PEX13: variants seen among roughly 807,000 people sequenced by gnomAD.
PEX13 encodes peroxisomal biogenesis factor 13.
PEX13 carries 28 observed loss-of-function variants against 34.5 expected under a neutral mutation model. The observed-to-expected ratio is 0.81, with a 90% CI of 0.60 to 1.11. The LOEUF is 1.11. Among genes scored for constraint, PEX13 ranks in the 50% most tolerant of loss-of-function variants. The pLI is 0.00. For synonymous variants in PEX13, 177 were observed against 175.1 expected (o/e 1.01, Z -0.09); for missense variants, 550 against 491.0 (o/e 1.12, Z -1.13).
intron 1 of PEX13, chr2:61,019,113 C>T (rs1438305456): frequency 3.9e-5 from 6 of 152,160 alleles, no homozygotes; most frequent in Non-Finnish European, 5.9e-5. Flanking sequence ...TTTGGTGTTT[C>T]GCATACCCAG....
chr2:61,031,757 G>C lies in PEX13; in HGVS notation c.431G>C (p.Ser144Thr), dbSNP rs762747711. 13 of 1,613,964 alleles carry C rather than the reference G, an allele frequency of 8.1e-6. 1 individual carries two copies. Among genetic ancestry groups the C allele is most frequent in the Non-Finnish European group, 1.1e-5 (13 of 1,179,810 alleles). Residue 144 changes from serine (S) to threonine (T), a missense_variant, in exon 2 of 4, where the codon AGT (serine) becomes ACT (threonine). Transcript: ENST00000295030. Reference sequence around the variant, plus strand: ...ATTGTGCATGCATTTGCCTCTGTCAGTATGATGATGGATGCTACCTTTTCA... The same window carrying C: ...ATTGTGCATGCATTTGCCTCTGTCACTATGATGATGGATGCTACCTTTTCA... ...ESIVHAFASV[S>T]MMMDATFSAV...
Position 61,045,818 on chromosome 2 carries a change from CG to C in PEX13, c.883del (p.Ala295LeufsTer5). 6.2e-7 allele frequency: 1 copy of C among 1,612,804 alleles called. No homozygotes were observed. Among genetic ancestry groups the C allele is most frequent in the Non-Finnish European group, 8.5e-7 (1 of 1,178,960 alleles). ...AAVSEEEISF[R>X]AGDMLNLALK... ...CGTATCTGAAGAAGAAATTTCTTTC[CG>C]GGCTGGTGATATGCTGAACTTAGCT... On this transcript the variant is annotated frameshift_variant, in exon 3 of 4. Transcript: ENST00000295030. LOFTEE classifies it high-confidence loss of function.
chr2:61,044,122 T>G (rs147016865), intron 2 of PEX13, among the ~76,000 whole-genome samples: 44 of 152,142 alleles, frequency 2.9e-4, no homozygotes, highest in Non-Finnish European at 5.4e-4. Context: ...GCCAATTTAT[T>G]TATTTATTGT....
chr2:61,045,316 T>C (rs760316811), intron 2 of PEX13, among the ~76,000 whole-genome samples: 1 of 152,206 alleles, frequency 6.6e-6, no homozygotes, highest in Non-Finnish European at 1.5e-5. Context: ...AACTTCCAAA[T>C]AGACCTGTAT....
intron 2 of PEX13, 118 bp downstream of exon 2, chr2:61,032,231 G>T: frequency 1.3e-6 from 1 of 782,102 alleles, no homozygotes; most frequent in South Asian, 1.7e-5. Context: ...TATATTTTCA[G>T]TTAAGAGCTT....
At chr2:61,037,845 C>A (rs1044342858) in intron 2 of PEX13, among the ~76,000 whole-genome samples, 2 of 151,928 alleles carry the variant, frequency 1.3e-5, no homozygotes, top group Non-Finnish European at 2.9e-5. Flanking sequence ...AAAAGATCAA[C>A]AAAATAGACT....
At chr2:61,030,367 CAAA>C (rs1298735959) in intron 1 of PEX13, among the ~76,000 whole-genome samples, 1 of 152,068 alleles carries the variant, frequency 6.6e-6, no homozygotes, top group East Asian at 1.9e-4. Flanking sequence ...AACTGAGAGA[CAAA>C]AAAGCAACAC....
Position 61,045,782 on chromosome 2 carries a change from G to T in PEX13, c.844G>T (p.Asp282Tyr). ...DDHVVARAEY[D>Y]FAAVSEEEIS... ...CCATGTAGTTGCCAGAGCAGAATATGATTTTGCTGCCGTATCTGAAGAAGA... is the reference window on the plus strand; with the variant it reads ...CCATGTAGTTGCCAGAGCAGAATATTATTTTGCTGCCGTATCTGAAGAAGA... Residue 282 changes from aspartate (D) to tyrosine (Y), a missense_variant, in exon 3 of 4, where the codon GAT (aspartate) becomes TAT (tyrosine). Asp to Tyr is a radical substitution (Grantham distance 160). Transcript: ENST00000295030. 1.2e-6 allele frequency: 2 copies of T among 1,611,456 alleles called. No individual in the cohort carries two copies. The highest frequency in any genetic ancestry group is 1.7e-6 in the Non-Finnish European group (2 of 1,177,546).
chr2:61,018,960 C>T (rs966964196), intron 1 of PEX13: 2 of 152,164 alleles, frequency 1.3e-5, no homozygotes, highest in Non-Finnish European at 2.9e-5. Context: ...AACACAGAGA[C>T]CAGTAGAGAG....
At chr2:61,038,660 G>A (rs1680573430) in intron 2 of PEX13, among the ~76,000 whole-genome samples, 1 of 152,112 alleles carries the variant, frequency 6.6e-6, no homozygotes, top group Admixed American at 6.5e-5. Flanking sequence ...TACTGAATGG[G>A]CAAAAACTGG....
At chr2:61,037,880 A>G (rs1680561413) in intron 2 of PEX13, among the ~76,000 whole-genome samples, 2 of 152,176 alleles carry the variant, frequency 1.3e-5, no homozygotes, top group Non-Finnish European at 2.9e-5. Context: ...TAAAGAAAAG[A>G]GAGAAGAATC....
chr2:61,033,256 G>C (rs931913910), intron 2 of PEX13, among the ~76,000 whole-genome samples: 1 of 152,082 alleles, frequency 6.6e-6, no homozygotes, highest in African/African-American at 2.4e-5. Context: ...CATCAGTAAT[G>C]ATACTTTTGC....
At position 61,031,652 on chromosome 2, in the gene PEX13, G is replaced by C. The variant is rs372193938; in HGVS notation, c.326G>C (p.Arg109Pro). Residue 109 changes from arginine (R) to proline (P), a missense_variant, in exon 2 of 4, where the codon CGT becomes CCT. Transcript: ENST00000295030. The part of the protein sequence containing the change: ...GYNGLGYNRL[R>P]VDDLPPSRFV... ...AATGGGCTGGGCTACAACCGCCTCC[G>C]TGTAGATGATCTTCCACCCAGTAGA... The C allele has an allele frequency of 8.7e-6, 14 of 1,614,110 alleles. No individual in the cohort carries two copies. In the East Asian group the frequency reaches 2.9e-4, roughly 33 times the overall value.
intron 2 of PEX13, among the ~76,000 whole-genome samples, chr2:61,035,130 G>A (rs1680514840): frequency 6.6e-6 from 1 of 152,168 alleles, no homozygotes; most frequent in Non-Finnish European, 1.5e-5. Context: ...GGAAGGATCA[G>A]GCAGCAATAT....
chr2:61,020,781 G>A (rs1680243061), intron 1 of PEX13, among the ~76,000 whole-genome samples: 1 of 151,856 alleles, frequency 6.6e-6, no homozygotes, highest in African/African-American at 2.4e-5. Flanking sequence ...CAGTCTCCCG[G>A]ACAGTTGAGA....
intron 1 of PEX13, among the ~76,000 whole-genome samples, chr2:61,021,936 G>C (rs897901211): frequency 6.6e-6 from 1 of 152,220 alleles, no homozygotes; most frequent in African/African-American, 2.4e-5. Flanking sequence ...GCTGAGGGAC[G>C]TGACCATTAG....
chr2:61,024,483 A>AT (rs1298917574), intron 1 of PEX13, among the ~76,000 whole-genome samples: 1 of 151,992 alleles, frequency 6.6e-6, no homozygotes, highest in East Asian at 1.9e-4. Context: ...GTTCACTGAT[A>AT]TTTTTCTTTC....
In PEX13 at chr2:61,031,937, G is replaced by A. The variant is rs752948360; in HGVS notation, c.611G>A (p.Gly204Asp). 13 of 1,614,058 alleles carry A rather than the reference G, an allele frequency of 8.1e-6. No individual in the cohort carries two copies. The Admixed American group carries it at 2.0e-4, about 25-fold the overall frequency. Residue 204 changes from glycine to aspartate, a missense_variant, in exon 2 of 4, where the codon GGC becomes GAC. Physicochemically the swap from Gly to Asp is moderately conservative, Grantham distance 94. Coordinates refer to ENST00000295030, the MANE Select transcript of PEX13 (RefSeq NM_002618.4). ...RLQRMLGLRR[G>D]SENEDLWAES... ...CAGCGGATGTTAGGTTTAAGAAGAG[G>A]CTCTGAGAATGAAGACCTCTGGGCA...
intron 2 of PEX13, among the ~76,000 whole-genome samples, chr2:61,037,669 A>G (rs1680557749): frequency 6.6e-6 from 1 of 152,214 alleles, no homozygotes; most frequent in South Asian, 2.1e-4. Flanking sequence ...GGAAAGATCT[A>G]AAATCAACAC....
Sources: gnomAD v4.1 joint callset for allele counts (sites outside exome capture counted in the v4.1 genomes callset) on GRCh38, gnomAD v4.1.1 for gene constraint, MANE v1.5 for transcripts, NCBI Gene and HGNC (gene_info 2026-07-23, HGNC 2026-07-21) for gene names.